MTR: variants seen among roughly 807,000 people sequenced by gnomAD.
MTR encodes 5-methyltetrahydrofolate-homocysteine methyltransferase.
A neutral mutation model predicts 154.8 loss-of-function variants in MTR; 84 were observed. The ratio of observed to expected loss-of-function variants is 0.54; its 90% CI spans 0.45 to 0.65. MTR has a LOEUF of 0.65. Ranked by LOEUF, MTR falls within the 30% of genes least tolerant of loss-of-function variation. MTR has a pLI of 0.00. For synonymous variants in MTR, 554 were observed against 553.9 expected, an observed-to-expected ratio of 1.00 and a Z score of 0.00; for missense variants, 1,275 against 1,570.2, an observed-to-expected ratio of 0.81 and a Z score of 3.18.
chr1:236,801,090 A>C (rs1660677194), intron 1 of MTR, among the ~76,000 whole-genome samples: 1 of 152,252 alleles, frequency 6.6e-6, no homozygotes, highest in African/African-American at 2.4e-5. Flanking sequence ...TGTCGACTAT[A>C]GCTTGAAATG....
In MTR at chr1:236,853,156, G is replaced by A. The variant is rs1415109563; in HGVS notation, c.1953+68G>A. ...TGAATGTATTACTCACCTACAGTTA[G>A]TAGACCTTCATGGTGGAATAGAAGC... is the stretch of plus-strand genomic sequence containing the variant. On this transcript the variant is annotated intron_variant, in intron 18 of 32. Transcript: ENST00000366577. 2.6e-6 allele frequency: 4 copies of A among 1,516,038 alleles called. No individual in the cohort carries two copies. In the East Asian group the frequency reaches 9.0e-5, roughly 34 times the overall value. The allele number at this position is 1,516,038 out of a possible 1,614,324, so 93.9% of individuals were successfully genotyped here. A position where few individuals can be genotyped will look rare whatever the true frequency, so the allele number is the denominator to read the frequency against.
At chr1:236,843,213 G>A (rs1406962883) in intron 15 of MTR, among the ~76,000 whole-genome samples, 1 of 152,164 alleles carries the variant, frequency 6.6e-6, no homozygotes, top group Non-Finnish European at 1.5e-5. Context: ...ATGTAGGATA[G>A]TTTGGGAAGG....
At chr1:236,840,484 A>G (rs1663164504) in intron 15 of MTR, among the ~76,000 whole-genome samples, 1 of 152,176 alleles carries the variant, frequency 6.6e-6, no homozygotes, top group South Asian at 2.1e-4. Context: ...GCTGTCAGGG[A>G]AGAGTTGGCC....
At chr1:236,850,922 G>C (rs1269767621) in intron 16 of MTR, among the ~76,000 whole-genome samples, 1 of 152,156 alleles carries the variant, frequency 6.6e-6, no homozygotes, top group Non-Finnish European at 1.5e-5. Context: ...TCCCAAAATA[G>C]AGCATAGCTA....
At position 236,901,071 on chromosome 1, in the gene MTR, AG is replaced by A; in HGVS notation, c.*3432del. 6.5e-6 allele frequency: 1 copy of A among 153,412 alleles called. No individual in the cohort carries two copies. The highest frequency in any genetic ancestry group is 1.5e-5 in the Non-Finnish European group (1 of 68,394). The allele number at this position is 153,412 out of a possible 1,614,324, so 9.5% of individuals were successfully genotyped here. ...GGAGAAGAGAATCTGGAGGAGGAGG[AG>A]GGGGAGCCAGCAGGGGAGCAGCTGT... On this transcript the variant is annotated 3_prime_UTR_variant, in exon 33 of 33. Transcript: ENST00000366577.
chr1:236,881,629 T>C (rs1230825941), intron 25 of MTR, among the ~76,000 whole-genome samples: 1 of 152,074 alleles, frequency 6.6e-6, no homozygotes, highest in Non-Finnish European at 1.5e-5. Context: ...GCGAGGAAGG[T>C]TACGGAGGTG....
rs367761299 is a variant in MTR, at chr1:236,835,478, A to G, written c.1189-69A>G. On this transcript the variant is annotated intron_variant, in intron 13 of 32. Coordinates refer to ENST00000366577, the MANE Select transcript of MTR (RefSeq NM_000254.3). ...GAAGGATTGCTGGGAAGGGTAAGGA[A>G]TTACCTCATTAGCCTTTTCTCCTAG... is the stretch of plus-strand genomic sequence containing the variant. 3.5e-5 allele frequency: 56 copies of G among 1,583,854 alleles called. No individual in the cohort carries two copies. The African/African-American group carries it at 7.0e-4, about 20-fold the overall frequency.
At position 236,812,964 on chromosome 1, in the gene MTR, C is replaced by A. The variant is rs149325078; in HGVS notation, c.609+120C>A. The A allele has an allele frequency of 7.8e-5, 63 of 812,026 alleles. No homozygotes were observed. In the African/African-American group the frequency reaches 8.7e-4, roughly 11 times the overall value. 50.3% of individuals were successfully genotyped at this position (812,026 alleles called of 1,614,324 possible). A position where few individuals can be genotyped will look rare whatever the true frequency, so the allele number is the denominator to read the frequency against. On this transcript the variant is annotated intron_variant, in intron 6 of 32. Transcript: ENST00000366577. ...TTAAATAAATTACCTGTATTTGCTC[C>A]ATTTTATTCTTGAGTATTTTTAACT...
chr1:236,855,293 T>G (rs146607798), intron 18 of MTR, among the ~76,000 whole-genome samples: 39 of 152,314 alleles, frequency 2.6e-4, no homozygotes, highest in Non-Finnish European at 5.0e-4. Context: ...CTTCCAAGGC[T>G]CTCTAATCTC....
chr1:236,859,235 A>C (rs1664383524), intron 18 of MTR, among the ~76,000 whole-genome samples: 1 of 152,246 alleles, frequency 6.6e-6, no homozygotes, highest in Admixed American at 6.5e-5. Context: ...GGGCAAGAGC[A>C]AGAGAGCCAG....
chr1:236,877,487 T>C (rs1472814351), intron 24 of MTR, among the ~76,000 whole-genome samples: 1 of 152,208 alleles, frequency 6.6e-6, no homozygotes, highest in Non-Finnish European at 1.5e-5. Flanking sequence ...ATTTCAACTT[T>C]ATATAAGTGG....
rs923238614 is a variant in MTR, at chr1:236,890,645, A to G, written c.3008-488A>G. 1.2e-4 allele frequency among the ~76,000 whole-genome samples: 18 copies of G among 152,176 alleles called. No individual in the cohort carries two copies. In the East Asian group the frequency reaches 1.5e-3, roughly 13 times the overall value. On this transcript the variant is annotated intron_variant, in intron 28 of 32. Coordinates refer to ENST00000366577, the MANE Select transcript of MTR (RefSeq NM_000254.3). ...TTCATGGTACTGTTGAAGGCCCCAA[A>G]TTGAAGAATCCCTTCAGAGGTTGTT...
At chr1:236,824,437 G>T (rs1443052425) in intron 9 of MTR, among the ~76,000 whole-genome samples, 1 of 152,200 alleles carries the variant, frequency 6.6e-6, no homozygotes, top group Non-Finnish European at 1.5e-5. Context: ...TTCCGGAAAT[G>T]AGCTTAGTCA....
Position 236,874,853 on chromosome 1 carries a change from T to G in MTR, c.2594+7T>G, listed in dbSNP as rs1294948588. ...GAGGAGCAACCACTTCAAAGTAAGT[T>G]ATACTAATGAGCTTTGTCCTCACTT... On this transcript the variant is annotated splice_region_variant and intron_variant, in intron 24 of 32. Coordinates refer to ENST00000366577, the MANE Select transcript of MTR (RefSeq NM_000254.3). 13 of 1,613,612 alleles carry G rather than the reference T, an allele frequency of 8.1e-6. No individual in the cohort carries two copies. The highest frequency in any genetic ancestry group is 9.3e-6 in the Non-Finnish European group (11 of 1,179,750).
intron 18 of MTR, among the ~76,000 whole-genome samples, chr1:236,857,096 G>A (rs1163895134): frequency 6.6e-6 from 1 of 152,178 alleles, no homozygotes; most frequent in African/African-American, 2.4e-5. Context: ...GATCCTTGAG[G>A]AATCGCTGCA....
At position 236,880,676 on chromosome 1, in the gene MTR, C is replaced by G. The variant is rs893716579; in HGVS notation, c.2595-79C>G. The G allele has an allele frequency of 9.2e-5, 104 of 1,131,026 alleles. 1 individual carries two copies. Among genetic ancestry groups the G allele is most frequent in the Non-Finnish European group, 1.3e-4 (94 of 741,592 alleles). The allele number at this position is 1,131,026 out of a possible 1,614,324, so 70.1% of individuals were successfully genotyped here. On this transcript the variant is annotated intron_variant, in intron 24 of 32. Coordinates refer to ENST00000366577, the MANE Select transcript of MTR (RefSeq NM_000254.3). ...GGAAAGCACTGTAGAAATACATTATCTCTAATGGCGCTGAACAAGAGTTGT... is the reference window on the plus strand; with the variant it reads ...GGAAAGCACTGTAGAAATACATTATGTCTAATGGCGCTGAACAAGAGTTGT...
intron 11 of MTR, among the ~76,000 whole-genome samples, chr1:236,828,816 G>T (rs1407825963): frequency 1.3e-5 from 2 of 152,016 alleles, no homozygotes; most frequent in Non-Finnish European, 2.9e-5. Context: ...AGGAAGCAAG[G>T]ATTGTGTGTG....
At chr1:236,890,371 G>A (rs1448944250) in intron 28 of MTR, among the ~76,000 whole-genome samples, 1 of 152,146 alleles carries the variant, frequency 6.6e-6, no homozygotes, top group East Asian at 1.9e-4. Context: ...CTGCAGGTCC[G>A]GGAGCAGGCC....
chr1:236,801,216 A>G lies in MTR; in HGVS notation c.35-2212A>G, dbSNP rs181152689. 1.2e-4 allele frequency among the ~76,000 whole-genome samples: 18 copies of G among 152,326 alleles called. No individual in the cohort carries two copies. The East Asian group carries it at 3.3e-3, about 28-fold the overall frequency. ...TTTGGTTCTTGAAGTACTTTTGTAC[A>G]GATCATTGGAGCTTAACTTCGTTCC... On this transcript the variant is annotated intron_variant, in intron 1 of 32. Transcript: ENST00000366577.
Sources: allele counts gnomAD v4.1 joint callset (sites outside exome capture counted in the v4.1 genomes callset), GRCh38; gene constraint gnomAD v4.1.1; transcripts MANE v1.5; gene names NCBI Gene and HGNC (gene_info 2026-07-23, HGNC 2026-07-21).